GAS6: variants seen among roughly 807,000 people sequenced by gnomAD.
GAS6 encodes growth arrest specific 6, also known as growth arrest-specific protein 6.
Under a neutral mutation model 75.8 loss-of-function variants are expected in GAS6, and 41 were observed. That is an observed-to-expected ratio of 0.54 (90% CI 0.42 to 0.70). GAS6 has a LOEUF of 0.70. GAS6 is among the 30% of genes least tolerant of loss of function. The pLI, the probability that GAS6 is intolerant of heterozygous loss-of-function variation, is 0.00. For missense variants in GAS6, 854 were observed against 940.2 expected, an observed-to-expected ratio of 0.91 and a Z score of 1.20; for synonymous variants, 432 against 412.6, an observed-to-expected ratio of 1.05 and a Z score of -0.57.
chr13:113,854,330 G>A (rs1186545276), intron 2 of GAS6, among the ~76,000 whole-genome samples: 1 of 152,242 alleles, frequency 6.6e-6, no homozygotes, highest in Non-Finnish European at 1.5e-5. Flanking sequence ...ACACATCAGT[G>A]TCTCTCATGG....
intron 5 of GAS6, 83 bp downstream of exon 5, chr13:113,839,644 GC>G (rs1347954985): frequency 1.1e-5 from 17 of 1,541,614 alleles, no homozygotes; most frequent in Non-Finnish European, 1.3e-5. Flanking sequence ...GGATGGCCGT[GC>G]CCCGGAGTGG....
chr13:113,847,702 T>C (rs1197985921), intron 3 of GAS6: 1 of 370,736 alleles, frequency 2.7e-6, no homozygotes, highest in African/African-American at 2.2e-5. Context: ...ACTTCAGAAG[T>C]GATTAGTGCT....
At chr13:113,852,988 G>T (rs537736963) in intron 2 of GAS6, among the ~76,000 whole-genome samples, 34 of 152,280 alleles carry the variant, frequency 2.2e-4, no homozygotes, top group Non-Finnish European at 4.1e-4. Flanking sequence ...CCAAGGGGCC[G>T]GGGGGACTCT....
intron 2 of GAS6, among the ~76,000 whole-genome samples, chr13:113,857,414 G>A (rs540930852): frequency 6.6e-6 from 1 of 152,182 alleles, no homozygotes; most frequent in Admixed American, 6.5e-5. Flanking sequence ...TTTACAAGGC[G>A]TACACACCAG....
chr13:113,845,746 A>T lies in GAS6; in HGVS notation c.343+781T>A, dbSNP rs1405890894. On this transcript the variant is annotated intron_variant, in intron 4 of 14. Transcript: ENST00000327773. The surrounding 1 kb of genome is among the most constrained non-coding windows in gnomAD (Gnocchi z 4.3). ...GAAGGACAGCTTTACTCATTAGTTA[A>T]AAAAAAAAAAAAAAACCTGAAATGA... The T allele has an allele frequency of 1.8e-4, 8 of 45,030 alleles. No homozygotes were observed. Among genetic ancestry groups the T allele is most frequent in the African/African-American group, 1.1e-3 (6 of 5,696 alleles). 2.8% of individuals were successfully genotyped at this position (45,030 alleles called of 1,614,324 possible).
intron 5 of GAS6, 160 bp from the exon 6 acceptor site, chr13:113,838,351 A>G: frequency 1.2e-6 from 1 of 807,244 alleles, no homozygotes; most frequent in Non-Finnish European, 1.9e-6. Flanking sequence ...AAAGGTGCAC[A>G]GCCCAGCCCT....
At chr13:113,835,272 C>T (rs192627673) in intron 7 of GAS6, among the ~76,000 whole-genome samples, 37 of 152,272 alleles carry the variant, frequency 2.4e-4, no homozygotes, top group African/African-American at 8.2e-4. Context: ...TGTGTACATG[C>T]GGTGTATATG....
chr13:113,833,952 CAGGTAGGT>C (rs2051664560), intron 8 of GAS6, among the ~76,000 whole-genome samples: 1 of 141,088 alleles, frequency 7.1e-6, no homozygotes, highest in Admixed American at 7.1e-5. Context: ...CCCGGTGTGA[CAGGTAGGT>C]CATGCTGTGA....
At chr13:113,823,231 G>T in intron 13 of GAS6, 144 bp downstream of exon 13, 1 of 898,700 alleles carries the variant, frequency 1.1e-6, no homozygotes, top group Non-Finnish European at 1.6e-6. Context: ...CCCACGCCGG[G>T]CTTGGCTCAT....
chr13:113,858,887 CTA>C lies in GAS6; in HGVS notation c.255+4686_255+4687del, dbSNP rs1308321205. ...CATGTGTGTACATGACTATGTAAGT[CTA>C]TGTGAATGTGTGCATGTATGTGTAC... On this transcript the variant is annotated intron_variant, in intron 2 of 14. Coordinates refer to ENST00000327773, the MANE Select transcript of GAS6 (RefSeq NM_000820.4). Among the ~76,000 whole-genome samples the C allele has an allele frequency of 1.6e-4, 23 of 145,094 alleles. No homozygotes were observed. In the South Asian group the frequency reaches 2.4e-3, roughly 15 times the overall value.
intron 12 of GAS6, 53 bp from the exon 13 acceptor site, chr13:113,823,603 G>C: frequency 6.5e-7 from 1 of 1,544,384 alleles, no homozygotes. Context: ...AGAGGCCACA[G>C]TGAGGTCGGA....
chr13:113,832,951 G>A, intron 8 of GAS6, 199 bp from the exon 9 acceptor site: 1 of 1,465,172 alleles, frequency 6.8e-7, no homozygotes, highest in Non-Finnish European at 9.0e-7. Flanking sequence ...GCTTGCAGCA[G>A]CCGCTTCCCA....
At chr13:113,855,923 T>C (rs2051910710) in intron 2 of GAS6, among the ~76,000 whole-genome samples, 1 of 152,140 alleles carries the variant, frequency 6.6e-6, no homozygotes, top group Non-Finnish European at 1.5e-5. Context: ...TGGTGAGACT[T>C]AAAGGTCACT....
In GAS6 at chr13:113,847,331, C is replaced by T. The variant is rs573630002; in HGVS notation, c.280+695G>A. On this transcript the variant is annotated intron_variant, in intron 3 of 14. Coordinates refer to ENST00000327773, the MANE Select transcript of GAS6 (RefSeq NM_000820.4). ...TCCAGATATGGACCCAGGGAAGGAC[C>T]CTTTAAGAGGACATTTACTAAAATG... Among the ~76,000 whole-genome samples, 16 of 152,316 alleles carry T rather than the reference C, an allele frequency of 1.1e-4. No homozygotes were observed. The South Asian group carries it at 3.1e-3, about 30-fold the overall frequency.
chr13:113,851,225 G>A (rs1347747549), intron 2 of GAS6, among the ~76,000 whole-genome samples: 1 of 152,036 alleles, frequency 6.6e-6, no homozygotes, highest in Non-Finnish European at 1.5e-5. Context: ...GTGGATGGAT[G>A]GATGGATGAA....
At position 113,821,043 on chromosome 13, in the gene GAS6, T is replaced by C. The variant is rs371141185; in HGVS notation, c.1883-25A>G. On this transcript the variant is annotated intron_variant, in intron 14 of 14. Coordinates refer to ENST00000327773, the MANE Select transcript of GAS6 (RefSeq NM_000820.4). Reference sequence around the variant, plus strand: ...TCTGGGCCGCAGGGAGAGAACAACATATCTTAGCTCACCACGTGGCCGGCC... The same window carrying C: ...TCTGGGCCGCAGGGAGAGAACAACACATCTTAGCTCACCACGTGGCCGGCC... The C allele has an allele frequency of 2.9e-5, 46 of 1,605,914 alleles. 1 individual carries two copies. In the South Asian group the frequency reaches 5.1e-4, roughly 18 times the overall value.
At chr13:113,827,589 A>C (rs9604465) in intron 11 of GAS6, among the ~76,000 whole-genome samples, 1 of 147,144 alleles carries the variant, frequency 6.8e-6, no homozygotes, top group Non-Finnish European at 1.5e-5. Flanking sequence ...TGGGCCTGGG[A>C]AGCAGGTGCC....
At chr13:113,860,427 T>C (rs1027910670) in intron 2 of GAS6, among the ~76,000 whole-genome samples, 1 of 152,174 alleles carries the variant, frequency 6.6e-6, no homozygotes, top group South Asian at 2.1e-4. Context: ...ACCTGGGCAG[T>C]AGGGCTGGGC....
intron 12 of GAS6, among the ~76,000 whole-genome samples, chr13:113,823,904 G>A (rs1037993797): frequency 2.0e-5 from 3 of 152,250 alleles, no homozygotes; most frequent in African/African-American, 7.2e-5. Context: ...AGGAGCGCCT[G>A]ACAGCTCCTT....
Sources: allele counts gnomAD v4.1 joint callset (sites outside exome capture counted in the v4.1 genomes callset), GRCh38; gene constraint gnomAD v4.1.1; non-coding constraint Gnocchi (gnomAD v3.1); transcripts MANE v1.5; gene names NCBI Gene and HGNC (gene_info 2026-07-23, HGNC 2026-07-21).